CSMD2: variants seen among roughly 807,000 people sequenced by gnomAD.
CSMD2 encodes the protein CUB and Sushi multiple domains 2.
CSMD2 carries 130 observed loss-of-function variants against 398.5 expected under a neutral mutation model. The observed-to-expected ratio is 0.33, with a 90% confidence interval of 0.28 to 0.38. The LOEUF is 0.38. CSMD2 is among the 10% of genes least tolerant of loss of function. The pLI, the probability that CSMD2 is intolerant of heterozygous loss-of-function variation, is 1.00. For missense variants in CSMD2, 3,829 were observed against 4,764.9 expected (o/e 0.80, Z 5.78); for synonymous variants, 1,828 against 1,908.5 (o/e 0.96, Z 1.10).
chr1:33,741,906 T>C (rs545239714), intron 14 of CSMD2, among the ~76,000 whole-genome samples: 1 of 152,344 alleles, frequency 6.6e-6, no homozygotes, highest in African/African-American at 2.4e-5. Context: ...TTGTTCTTCC[T>C]ACTCCGCCAG....
chr1:33,787,263 GTT>G (rs1653647652), intron 12 of CSMD2, among the ~76,000 whole-genome samples: 1 of 152,200 alleles, frequency 6.6e-6, no homozygotes, highest in African/African-American at 2.4e-5. Context: ...ATAAATGTCC[GTT>G]GTGTGAAGCC....
At chr1:33,741,540 G>C (rs1004431905) in intron 14 of CSMD2, among the ~76,000 whole-genome samples, 5 of 152,152 alleles carry the variant, frequency 3.3e-5, no homozygotes, top group African/African-American at 1.2e-4. Context: ...TTGTATAAAT[G>C]CATAGAAAAC....
intron 4 of CSMD2, among the ~76,000 whole-genome samples, chr1:33,919,547 T>A (rs1374807700): frequency 6.6e-6 from 1 of 152,212 alleles, no homozygotes; most frequent in African/African-American, 2.4e-5. Flanking sequence ...ATGTAAGATA[T>A]ACACCTACTC....
intron 10 of CSMD2, among the ~76,000 whole-genome samples, chr1:33,793,263 G>A (rs548342238): frequency 6.6e-6 from 1 of 152,316 alleles, no homozygotes; most frequent in Non-Finnish European, 1.5e-5. Flanking sequence ...CTGGAGATGG[G>A]GGTGTCTGAG....
At chr1:34,010,133 T>G (rs1195760777) in intron 3 of CSMD2, among the ~76,000 whole-genome samples, 2 of 152,180 alleles carry the variant, frequency 1.3e-5, no homozygotes, top group African/African-American at 2.4e-5. Flanking sequence ...TCTGATACTA[T>G]TCCCAGAGAC....
chr1:33,872,177 T>G (rs1640521092), intron 5 of CSMD2, among the ~76,000 whole-genome samples: 1 of 152,150 alleles, frequency 6.6e-6, no homozygotes, highest in Non-Finnish European at 1.5e-5. Flanking sequence ...AAGCAAAATA[T>G]GTACCTAATA....
intron 44 of CSMD2, among the ~76,000 whole-genome samples, chr1:33,589,354 G>T (rs886804142): frequency 6.6e-6 from 1 of 152,178 alleles, no homozygotes; most frequent in Non-Finnish European, 1.5e-5. Context: ...GTCAGGCACT[G>T]TGTCAGGTGA....
chr1:33,846,975 T>G lies in CSMD2; in HGVS notation c.942A>C (p.Pro314=), dbSNP rs1323064874. ...SSLWFTGASL[P]APVISSKNWL... Reference sequence around the variant, plus strand: ...AGTTCTTGCTGCTGATAACGGGGGCTGGGAGGCTGGCTCCGGTGAACCTGT... The same window carrying G: ...AGTTCTTGCTGCTGATAACGGGGGCGGGGAGGCTGGCTCCGGTGAACCTGT... The change falls in exon 6 of 71, where the codon CCA becomes CCC. Residue 314 remains proline (P), a synonymous_variant. Transcript: ENST00000373381. 1 of 1,609,470 alleles carries G rather than the reference T, an allele frequency of 6.2e-7. No individual in the cohort carries two copies. Among genetic ancestry groups the G allele is most frequent in the Non-Finnish European group, 8.5e-7 (1 of 1,177,720 alleles).
intron 6 of CSMD2, among the ~76,000 whole-genome samples, chr1:33,833,756 T>C (rs531660524): frequency 6.2e-4 from 95 of 152,168 alleles, no homozygotes; most frequent in Middle Eastern, 3.4e-3. Flanking sequence ...GAAAACCCCA[T>C]TGTCTCAGCC....
Position 33,546,126 on chromosome 1 carries a change from C to A in CSMD2, c.9011G>T (p.Ser3004Ile), listed in dbSNP as rs753247221. ...SFDPGTVMRF[S>I]CEAGHVLRGS... ...CCGGAGCACGTGGCCAGCTTCACAG[C>A]TGAAGCGCATCACAGTGCCTGGATC... is the stretch of plus-strand genomic sequence containing the variant. The change falls in exon 57 of 71, where the codon AGC becomes ATC. Residue 3004 changes from serine (S) to isoleucine (I), a missense_variant. Physicochemically the swap from Ser to Ile is moderately radical, Grantham distance 142. This residue lies in a region of CSMD2 where 917 missense variants were observed against 1,199.5 expected (regional missense o/e 0.76). Transcript: ENST00000373381. The A allele has an allele frequency of 1.2e-5, 19 of 1,614,104 alleles. No individual in the cohort carries two copies. The highest frequency in any genetic ancestry group is 1.5e-5 in the Non-Finnish European group (18 of 1,180,050).
chr1:33,990,250 C>A (rs573161764), intron 3 of CSMD2, among the ~76,000 whole-genome samples: 1 of 151,812 alleles, frequency 6.6e-6, no homozygotes, highest in African/African-American at 2.4e-5. Flanking sequence ...CCAGCCTGGA[C>A]GACAAGAGTG....
chr1:33,952,401 T>C (rs568066953), intron 3 of CSMD2, among the ~76,000 whole-genome samples: 1 of 152,274 alleles, frequency 6.6e-6, no homozygotes, highest in Admixed American at 6.5e-5. Flanking sequence ...TACACAATAT[T>C]CCCTGGCCCA....
intron 2 of CSMD2, among the ~76,000 whole-genome samples, chr1:34,044,439 G>A (rs1466754038): frequency 2.0e-5 from 3 of 152,072 alleles, no homozygotes; most frequent in Non-Finnish European, 2.9e-5. Flanking sequence ...CATCCTGTGG[G>A]CTGGGGTTCT....
intron 57 of CSMD2, among the ~76,000 whole-genome samples, chr1:33,545,587 A>G (rs1040048027): frequency 6.6e-6 from 1 of 152,152 alleles, no homozygotes; most frequent in African/African-American, 2.4e-5. Context: ...TAAGAGCATT[A>G]ATCCCATTCC....
intron 44 of CSMD2, chr1:33,600,504 C>T: frequency 2.0e-6 from 1 of 508,586 alleles, no homozygotes; most frequent in Non-Finnish European, 3.5e-6. Flanking sequence ...AGCCCTAGAT[C>T]CCTTTGGAGA....
At position 33,518,634 on chromosome 1, in the gene CSMD2, C is replaced by T. The variant is rs977582198; in HGVS notation, c.*53+831G>A. On this transcript the variant is annotated intron_variant, in intron 70 of 70. Coordinates refer to ENST00000373381, the MANE Select transcript of CSMD2 (RefSeq NM_001281956.2). The surrounding 1 kb of genome is among the most constrained non-coding windows in gnomAD (Gnocchi z 4.3). ...GAGTCTCCATAATGTGTGTGGGCCT[C>T]GTTCAATCAGCTGAAGGCCTTAAGA... Among the ~76,000 whole-genome samples the T allele has an allele frequency of 2.0e-5, 3 of 152,118 alleles. No homozygotes were observed. The highest frequency in any genetic ancestry group is 2.1e-4 in the South Asian group (1 of 4,822).
chr1:34,076,928 A>AAAAATATATAT (rs1232288848), intron 2 of CSMD2, among the ~76,000 whole-genome samples: 14 of 53,598 alleles, frequency 2.6e-4, no homozygotes, highest in African/African-American at 3.5e-4. Context: ...AAAAAAAAAA[A>AAAAATATATAT]ATATATATAT....
At chr1:33,865,652 G>A (rs558450762) in intron 5 of CSMD2, among the ~76,000 whole-genome samples, 105 of 152,278 alleles carry the variant, frequency 6.9e-4, no homozygotes, top group African/African-American at 2.3e-3. Context: ...GGACACCGCA[G>A]TCCAGGGAAT....
rs558040813 is a variant in CSMD2 at position 33,939,786 on chromosome 1, C to T, written c.518-3832G>A. ...ACCCCACCTGCTTTTTTATGCCAAG[C>T]TCCACTCCTGAGAGGTCCCACAGTG... is the stretch of plus-strand genomic sequence containing the variant. On this transcript the variant is annotated intron_variant, in intron 3 of 70. Coordinates refer to ENST00000373381, the MANE Select transcript of CSMD2 (RefSeq NM_001281956.2). Among the ~76,000 whole-genome samples, 4 of 152,264 alleles carry T rather than the reference C, an allele frequency of 2.6e-5. No homozygotes were observed. The East Asian group carries it at 7.7e-4, about 29-fold the overall frequency.
Sources: allele counts gnomAD v4.1 joint callset (sites outside exome capture counted in the v4.1 genomes callset), GRCh38; gene constraint gnomAD v4.1.1; regional missense constraint gnomAD v4.1.1; non-coding constraint Gnocchi (gnomAD v3.1); transcripts MANE v1.5; gene names NCBI Gene and HGNC (gene_info 2026-07-23, HGNC 2026-07-21).